Variants in MBD5 observed in about 807,000 individuals in gnomAD.
MBD5 encodes the protein methyl-CpG-binding domain protein 5.
Under a neutral mutation model 117.3 loss-of-function variants are expected in MBD5, and 13 were observed. The observed-to-expected ratio is 0.11, with a 90% CI of 0.07 to 0.18. MBD5 has a LOEUF of 0.18. Among genes scored for constraint, MBD5 ranks in the 10% least tolerant of loss-of-function variants. The probability of loss-of-function intolerance (pLI) is 1.00; values close to 1 mark genes in which losing one functional copy is unlikely to be tolerated. For missense variants in MBD5, 1,879 were observed against 2,093.8 expected, an observed-to-expected ratio of 0.90 and a Z score of 2.00; for synonymous variants, 727 against 766.4, an observed-to-expected ratio of 0.95 and a Z score of 0.85.
At chr2:148,325,757 T>C (rs1358512398) in intron 3 of MBD5, among the ~76,000 whole-genome samples, 1 of 152,208 alleles carries the variant, frequency 6.6e-6, no homozygotes, top group Non-Finnish European at 1.5e-5. Flanking sequence ...TAGTGGTCTA[T>C]CAATTTTGTT....
chr2:148,151,651 C>T (rs994089700), intron 1 of MBD5, among the ~76,000 whole-genome samples: 7 of 152,224 alleles, frequency 4.6e-5, no homozygotes, highest in Middle Eastern at 3.4e-3. Flanking sequence ...GATTCAACTT[C>T]TTCCTGGTTT....
chr2:148,455,460 A>C (rs999202019), intron 4 of MBD5, among the ~76,000 whole-genome samples: 8 of 152,124 alleles, frequency 5.3e-5, no homozygotes, highest in Non-Finnish European at 7.4e-5. Context: ...TTTACTAAAA[A>C]ATAGATTGTC....
intron 3 of MBD5, among the ~76,000 whole-genome samples, chr2:148,241,908 G>T (rs1700224064): frequency 6.6e-6 from 1 of 152,184 alleles, no homozygotes; most frequent in African/African-American, 2.4e-5. Context: ...GTCAGTGAGA[G>T]AGTCAGTGTG....
chr2:148,331,178 C>T (rs1023426912), intron 3 of MBD5, among the ~76,000 whole-genome samples: 31 of 152,146 alleles, frequency 2.0e-4, no homozygotes, highest in Non-Finnish European at 1.0e-4. Flanking sequence ...TCATATGCAG[C>T]ACACTTAAGA....
At chr2:148,302,434 G>T (rs530960752) in intron 3 of MBD5, among the ~76,000 whole-genome samples, 1 of 152,128 alleles carries the variant, frequency 6.6e-6, no homozygotes, top group African/African-American at 2.4e-5. Context: ...CACAGAACAG[G>T]CTAGAGCAAT....
At chr2:148,435,321 T>C (rs1706122109) in intron 4 of MBD5, among the ~76,000 whole-genome samples, 1 of 152,192 alleles carries the variant, frequency 6.6e-6, no homozygotes, top group South Asian at 2.1e-4. Context: ...TAGCTGGTTA[T>C]GCAGATTTGT....
At chr2:148,493,791 C>G (rs1422856965) in intron 11 of MBD5, among the ~76,000 whole-genome samples, 2 of 152,002 alleles carry the variant, frequency 1.3e-5, no homozygotes, top group African/African-American at 4.8e-5. Context: ...AGATGATTTC[C>G]TAAAAGGTAT....
intron 4 of MBD5, among the ~76,000 whole-genome samples, chr2:148,416,041 G>A (rs1241088023): frequency 6.6e-6 from 1 of 152,100 alleles, no homozygotes; most frequent in Non-Finnish European, 1.5e-5. Context: ...GATGCTCTGG[G>A]TTTTTTTGAG....
chr2:148,493,048 A>G (rs1681578572), intron 11 of MBD5, among the ~76,000 whole-genome samples: 1 of 151,242 alleles, frequency 6.6e-6, no homozygotes, highest in South Asian at 2.1e-4. Flanking sequence ...GCCTTAGTTT[A>G]CCTTCTGTAC....
At chr2:148,023,489 A>G (rs1460504633) in intron 1 of MBD5, among the ~76,000 whole-genome samples, 1 of 152,140 alleles carries the variant, frequency 6.6e-6, no homozygotes, top group Non-Finnish European at 1.5e-5. Context: ...ACAATTTTTT[A>G]CCTTTCTCTG....
At chr2:148,159,684 A>T (rs1205527304) in intron 1 of MBD5, among the ~76,000 whole-genome samples, 1 of 152,196 alleles carries the variant, frequency 6.6e-6, no homozygotes, top group Admixed American at 6.5e-5. Flanking sequence ...AGTGTTTCTC[A>T]GGTCTGAATT....
chr2:148,489,706 C>A lies in MBD5; in HGVS notation c.4074C>A (p.Ala1358=). Residue 1358 remains alanine, a synonymous_variant, in exon 11 of 14, where the codon GCC becomes GCA. Transcript: ENST00000642680. ...SPIPALSAMS[A]FTASIGDPLN... ...TTCCAGCTCTGAGTGCCATGAGTGC[C>A]TTCACTGCCTCAATTGGTGACCCAT... is the stretch of plus-strand genomic sequence containing the variant. 6.2e-7 allele frequency: 1 copy of A among 1,614,182 alleles called. No individual in the cohort carries two copies. The highest frequency in any genetic ancestry group is 8.5e-7 in the Non-Finnish European group (1 of 1,180,036).
intron 3 of MBD5, among the ~76,000 whole-genome samples, chr2:148,291,086 T>G (rs1342560674): frequency 6.6e-6 from 1 of 152,238 alleles, no homozygotes; most frequent in Non-Finnish European, 1.5e-5. Context: ...GGTACCACAC[T>G]ATTTTAATTA....
At chr2:148,048,548 C>T (rs943401692) in intron 1 of MBD5, among the ~76,000 whole-genome samples, 2 of 152,038 alleles carry the variant, frequency 1.3e-5, no homozygotes. Flanking sequence ...TGGACATTAG[C>T]AAAGTCTTCT....
chr2:148,187,189 G>C (rs74673354), intron 2 of MBD5, among the ~76,000 whole-genome samples: 3 of 152,268 alleles, frequency 2.0e-5, no homozygotes, highest in African/African-American at 7.2e-5. Flanking sequence ...TGTGTGGATA[G>C]CCACTGCATT....
At chr2:148,049,806 A>T (rs527438029) in intron 1 of MBD5, among the ~76,000 whole-genome samples, 1 of 152,162 alleles carries the variant, frequency 6.6e-6, no homozygotes, top group African/African-American at 2.4e-5. Context: ...ATATAAATGA[A>T]TTTATATAAT....
intron 1 of MBD5, among the ~76,000 whole-genome samples, chr2:148,128,338 T>C (rs1383959602): frequency 6.6e-6 from 1 of 152,218 alleles, no homozygotes; most frequent in Non-Finnish European, 1.5e-5. Flanking sequence ...TTTATGCATA[T>C]AATATATATG....
Position 148,515,295 on chromosome 2 carries a change from C to A in MBD5, c.*2354C>A, listed in dbSNP as rs1682323528. ...TTTTGAGCTAATTCAGTTTGTGCTT[C>A]CCTCCCATTGTATACTTTACATAAG... On this transcript the variant is annotated 3_prime_UTR_variant, in exon 14 of 14. Transcript: ENST00000642680. 6.6e-6 allele frequency: 1 copy of A among 152,150 alleles called. No individual in the cohort carries two copies. Among genetic ancestry groups the A allele is most frequent in the African/African-American group, 2.4e-5 (1 of 41,434 alleles). The allele number at this position is 152,150 out of a possible 1,614,324, so 9.4% of individuals were successfully genotyped here.
At chr2:148,323,806 G>C (rs1009367628) in intron 3 of MBD5, among the ~76,000 whole-genome samples, 14 of 152,156 alleles carry the variant, frequency 9.2e-5, no homozygotes, top group African/African-American at 3.4e-4. Context: ...TGTTCACTCT[G>C]ATGGTAGTTT....
Sources: allele counts gnomAD v4.1 joint callset (sites outside exome capture counted in the v4.1 genomes callset), GRCh38; gene constraint gnomAD v4.1.1; transcripts MANE v1.5; gene names NCBI Gene and HGNC (gene_info 2026-07-23, HGNC 2026-07-21).